CNTNAP4: variants seen among roughly 807,000 people sequenced by gnomAD.
CNTNAP4 encodes contactin-associated protein-like 4.
CNTNAP4 carries 98 observed loss-of-function variants against 148.4 expected under a neutral mutation model. The ratio of observed to expected loss-of-function variants is 0.66; its 90% CI spans 0.56 to 0.78. CNTNAP4 has a LOEUF of 0.78. CNTNAP4 is among the 30% of genes least tolerant of loss of function. CNTNAP4 has a pLI of 0.00. For missense variants in CNTNAP4, 1,935 were observed against 1,565.6 expected (o/e 1.24, Z -3.98); for synonymous variants, 730 against 565.1 (o/e 1.29, Z -4.14).
chr16:76,353,208 A>G (rs2012080507), intron 2 of CNTNAP4, among the ~76,000 whole-genome samples: 1 of 152,192 alleles, frequency 6.6e-6, no homozygotes, highest in African/African-American at 2.4e-5. Context: ...GTTTTGAACA[A>G]TGATTCACTT....
At chr16:76,494,340 A>G (rs1347158556) in intron 13 of CNTNAP4, among the ~76,000 whole-genome samples, 1 of 152,204 alleles carries the variant, frequency 6.6e-6, no homozygotes, top group Non-Finnish European at 1.5e-5. Context: ...TAAATAGCCA[A>G]GCCATTAAAT....
At chr16:76,496,848 C>A (rs185656805) in intron 14 of CNTNAP4, among the ~76,000 whole-genome samples, 31 of 152,182 alleles carry the variant, frequency 2.0e-4, no homozygotes, top group African/African-American at 7.0e-4. Context: ...TACAAACCAA[C>A]CTTGGGGTAC....
At chr16:76,348,996 G>T (rs1965148901) in intron 2 of CNTNAP4, among the ~76,000 whole-genome samples, 2 of 152,020 alleles carry the variant, frequency 1.3e-5, no homozygotes, top group Admixed American at 1.3e-4. Context: ...GGAGAGAGGA[G>T]AATTGCTAAA....
At chr16:76,558,424 C>A (rs1390617998) in intron 23 of CNTNAP4, 66 bp from the exon 24 acceptor site, 1 of 858,490 alleles carries the variant, frequency 1.2e-6, no homozygotes, top group East Asian at 2.5e-5. Context: ...ACTTATTAAG[C>A]AATGAAGTCA....
At chr16:76,496,985 A>G (rs1555577103) in intron 14 of CNTNAP4, among the ~76,000 whole-genome samples, 1 of 152,204 alleles carries the variant, frequency 6.6e-6, no homozygotes, top group Non-Finnish European at 1.5e-5. Flanking sequence ...GAACTGTAAT[A>G]TGGAACCAAA....
At chr16:76,473,624 AT>A (rs1308642592) in intron 10 of CNTNAP4, among the ~76,000 whole-genome samples, 1 of 152,048 alleles carries the variant, frequency 6.6e-6, no homozygotes, top group African/African-American at 2.4e-5. Flanking sequence ...AATACAAAAA[AT>A]TAGCCAAGCG....
At chr16:76,547,186 A>T (rs560773317) in intron 21 of CNTNAP4, among the ~76,000 whole-genome samples, 2 of 152,348 alleles carry the variant, frequency 1.3e-5, no homozygotes, top group African/African-American at 2.4e-5. Flanking sequence ...TCTCTCTAGG[A>T]TGTAATTAAT....
In CNTNAP4 at chr16:76,364,233, C is replaced by CAA. The variant is rs58589609; in HGVS notation, c.390+8747_390+8748dup. Among the ~76,000 whole-genome samples, 336 of 48,198 alleles carry CAA rather than the reference C, an allele frequency of 7.0e-3. 62 individuals carry two copies. Among genetic ancestry groups the CAA allele is most frequent in the African/African-American group, 0.017 (212 of 12,768 alleles). 31.6% of individuals were successfully genotyped at this position (48,198 alleles called of 152,430 possible). The stretch of plus-strand genomic sequence containing the variant: ...TGGGCAACAGAGCGAGATTCCATCT[C>CAA]AAAAAAAAAAAAAAAAAAAAAAAAA... On this transcript the variant is annotated intron_variant, in intron 3 of 23. Transcript: ENST00000611870.
At position 76,522,245 on chromosome 16, in the gene CNTNAP4, C is replaced by A; in HGVS notation, c.2743C>A (p.Gln915Lys). The stretch of plus-strand genomic sequence containing the variant: ...GCATGTCCTGTTACAGCTCAACAGT[C>A]AGCTCTTCGTGGGTAAGTTCTCTTT... ...DGHVLLQLNS[Q>K]LFVGGTATRQ... Residue 915 changes from glutamine to lysine, a missense_variant, in exon 17 of 24, where the codon CAG becomes AAG. Physicochemically the swap from Gln to Lys is moderately conservative, Grantham distance 53. Coordinates refer to ENST00000611870, the MANE Select transcript of CNTNAP4 (RefSeq NM_033401.5). 6.2e-7 allele frequency: 1 copy of A among 1,613,760 alleles called. No individual in the cohort carries two copies. The highest frequency in any genetic ancestry group is 8.5e-7 in the Non-Finnish European group (1 of 1,179,792).
At chr16:76,346,603 G>C (rs1273476079) in intron 2 of CNTNAP4, among the ~76,000 whole-genome samples, 7 of 152,074 alleles carry the variant, frequency 4.6e-5, no homozygotes, top group Admixed American at 4.6e-4. Flanking sequence ...GGCTTAGAAA[G>C]CAAAACATGG....
Position 76,316,433 on chromosome 16 carries a change from G to A in CNTNAP4, c.106G>A (p.Val36Met). The A allele has an allele frequency of 6.2e-7, 1 of 1,613,638 alleles. No homozygotes were observed. Among genetic ancestry groups the A allele is most frequent in the Non-Finnish European group, 8.5e-7 (1 of 1,179,672 alleles). ...GNSYDCDDPL[V>M]SALPQASFSS... ...GGCAGATGACTGTGATGATCCTCTTGTGTCTGCCTTGCCTCAGGCATCCTT... is the reference window on the plus strand; with the variant it reads ...GGCAGATGACTGTGATGATCCTCTTATGTCTGCCTTGCCTCAGGCATCCTT... Residue 36 changes from valine to methionine, a missense_variant, in exon 2 of 24, where the codon GTG becomes ATG. Val to Met is a conservative substitution (Grantham distance 21). Coordinates refer to ENST00000611870, the MANE Select transcript of CNTNAP4 (RefSeq NM_033401.5).
At chr16:76,351,363 CA>C (rs56676992) in intron 2 of CNTNAP4, among the ~76,000 whole-genome samples, 20,174 of 140,332 alleles carry the variant, frequency 0.14, 1,947 homozygotes, top group East Asian at 0.48. Context: ...TAGGCTGGCC[CA>C]AAAAAAAAAA....
rs988173555 is a variant in CNTNAP4 at position 76,369,571 on chromosome 16, G to A, written c.390+14060G>A. On this transcript the variant is annotated intron_variant, in intron 3 of 23. Coordinates refer to ENST00000611870, the MANE Select transcript of CNTNAP4 (RefSeq NM_033401.5). Reference sequence around the variant, plus strand: ...GCTCAAGAAGAGAGAGCCAGGCACAGTAGCTCATGCCTGTAATCCCTGCCC... The same window carrying A: ...GCTCAAGAAGAGAGAGCCAGGCACAATAGCTCATGCCTGTAATCCCTGCCC... 2.6e-5 allele frequency among the ~76,000 whole-genome samples: 4 copies of A among 152,368 alleles called. No homozygotes were observed. In the East Asian group the frequency reaches 7.7e-4, roughly 29 times the overall value.
At chr16:76,558,173 GTGGCCACA>G (rs553882388) in intron 23 of CNTNAP4, 21 of 201,910 alleles carry the variant, frequency 1.0e-4, no homozygotes, top group African/African-American at 3.2e-4. Context: ...CTAATATGAA[GTGGCCACA>G]TGGCCACATG....
chr16:76,523,461 G>T (rs2083576245), intron 17 of CNTNAP4, among the ~76,000 whole-genome samples: 1 of 151,702 alleles, frequency 6.6e-6, no homozygotes, highest in Non-Finnish European at 1.5e-5. Context: ...CATTCATGTG[G>T]CATTTATAGG....
rs1411039884 is a variant in CNTNAP4, at chr16:76,342,782, A to G, written c.197-12536A>G. 4.6e-5 allele frequency among the ~76,000 whole-genome samples: 7 copies of G among 152,296 alleles called. No homozygotes were observed. In the East Asian group the frequency reaches 1.3e-3, roughly 29 times the overall value. ...GAACTCTGAACATATATTTCAAACA[A>G]TGACAAACTGACCTGTTTTATATTC... On this transcript the variant is annotated intron_variant, in intron 2 of 23. Transcript: ENST00000611870.
chr16:76,441,211 A>G (rs919859291), intron 4 of CNTNAP4, among the ~76,000 whole-genome samples: 4 of 152,056 alleles, frequency 2.6e-5, no homozygotes, highest in Admixed American at 2.0e-4. Context: ...AGCTCTTTCA[A>G]AAAAACAAAA....
intron 14 of CNTNAP4, 144 bp downstream of exon 14, chr16:76,495,210 A>C (rs775026296): frequency 1.4e-5 from 11 of 797,592 alleles, no homozygotes; most frequent in Non-Finnish European, 2.2e-5. Context: ...AACGTGGTGT[A>C]GTCAATATAA....
chr16:76,309,820 G>A (rs1290099199), intron 1 of CNTNAP4: 3 of 699,726 alleles, frequency 4.3e-6, no homozygotes, highest in Non-Finnish European at 7.8e-6. Flanking sequence ...AGATCTGATG[G>A]GTTGCTCAGG....
Sources: gnomAD v4.1 joint callset for allele counts (sites outside exome capture counted in the v4.1 genomes callset) on GRCh38, gnomAD v4.1.1 for gene constraint, MANE v1.5 for transcripts, NCBI Gene and HGNC (gene_info 2026-07-23, HGNC 2026-07-21) for gene names.